The following NBEAL1 variants were observed in gnomAD, a reference collection of about 807,000 sequenced individuals.
NBEAL1 encodes the protein neurobeachin like 1, also known as neurobeachin-like protein 1.
NBEAL1 carries 273 observed loss-of-function variants against 351.3 expected under a neutral mutation model. The observed-to-expected ratio is 0.78, with a 90% confidence interval of 0.70 to 0.86. The LOEUF (loss-of-function observed/expected upper bound fraction) is 0.86. Among genes scored for constraint, NBEAL1 ranks in the 40% least tolerant of loss-of-function variants. NBEAL1 has a pLI of 0.00. For synonymous variants in NBEAL1, 1,050 were observed against 1,086.4 expected (o/e 0.97, Z 0.66); for missense variants, 2,961 against 3,201.3 (o/e 0.92, Z 1.81).
At chr2:203,210,362 CAAAA>C (rs35856692) in intron 53 of NBEAL1, among the ~76,000 whole-genome samples, 1 of 100,452 alleles carries the variant, frequency 1.0e-5, no homozygotes, top group Non-Finnish European at 2.0e-5. Flanking sequence ...GACATGGCCT[CAAAA>C]AAAAAAAAAA....
chr2:203,186,560 T>G (rs1214944483), intron 44 of NBEAL1, among the ~76,000 whole-genome samples: 1 of 152,196 alleles, frequency 6.6e-6, no homozygotes, highest in Non-Finnish European at 1.5e-5. Context: ...TCTCAGTGGC[T>G]CTTGGTTCTA....
chr2:203,138,321 G>A lies in NBEAL1; in HGVS notation c.4719+6G>A. The A allele has an allele frequency of 1.9e-6, 3 of 1,594,598 alleles. No individual in the cohort carries two copies. Among genetic ancestry groups the A allele is most frequent in the Non-Finnish European group, 2.6e-6 (3 of 1,175,094 alleles). On this transcript the variant is annotated splice_donor_region_variant and intron_variant, in intron 30 of 55. Transcript: ENST00000683969. ...CAAACATGTGGACCGAGAAGGTGCA[G>A]TAATATCTCTTTAAAATTATATTTT...
At chr2:203,121,246 T>C (rs2062823676) in intron 18 of NBEAL1, among the ~76,000 whole-genome samples, 2 of 152,200 alleles carry the variant, frequency 1.3e-5, no homozygotes, top group African/African-American at 2.4e-5. Context: ...ACACGTTTTA[T>C]GTGTATCTTG....
Position 203,219,417 on chromosome 2 carries a change from C to T in NBEAL1, c.*2063C>T, listed in dbSNP as rs2065931287. 6.6e-6 allele frequency: 1 copy of T among 151,882 alleles called. No homozygotes were observed. The highest frequency in any genetic ancestry group is 1.5e-5 in the Non-Finnish European group (1 of 67,996). 9.4% of individuals were successfully genotyped at this position (151,882 alleles called of 1,614,324 possible). ...AAGTTTATGATGTTTTACTATGCTG[C>T]TTTTTAGATGGAAGAAATAAGCAGT... On this transcript the variant is annotated 3_prime_UTR_variant, in exon 56 of 56. Transcript: ENST00000683969.
At chr2:203,210,091 G>A (rs1436348222) in intron 53 of NBEAL1, among the ~76,000 whole-genome samples, 1 of 152,028 alleles carries the variant, frequency 6.6e-6, no homozygotes, top group Non-Finnish European at 1.5e-5. Context: ...GGCCGCGAGT[G>A]GTGGCTCACT....
At chr2:203,130,702 C>T (rs932412109) in intron 25 of NBEAL1, among the ~76,000 whole-genome samples, 10 of 152,084 alleles carry the variant, frequency 6.6e-5, no homozygotes, top group Admixed American at 5.2e-4. Context: ...TTTGTCATAC[C>T]ATCCTCAATA....
chr2:203,195,577 A>G (rs1378809728), intron 47 of NBEAL1, among the ~76,000 whole-genome samples: 1 of 152,210 alleles, frequency 6.6e-6, no homozygotes, highest in Non-Finnish European at 1.5e-5. Flanking sequence ...GGAATTTAAC[A>G]TGTAGTTGTA....
intron 29 of NBEAL1, 79 bp from the exon 30 acceptor site, chr2:203,138,083 G>C (rs1372774035): frequency 1.5e-6 from 2 of 1,326,308 alleles, no homozygotes; most frequent in Non-Finnish European, 2.1e-6. Flanking sequence ...TGCCTCTCAA[G>C]CTATTTTGTT....
At position 203,020,645 on chromosome 2, in the gene NBEAL1, T is replaced by C. The variant is rs897395498; in HGVS notation, c.51+4210T>C. 6.2e-5 allele frequency among the ~76,000 whole-genome samples: 9 copies of C among 145,086 alleles called. No homozygotes were observed. The Admixed American group carries it at 6.5e-4, about 10-fold the overall frequency. On this transcript the variant is annotated intron_variant, in intron 2 of 55. Transcript: ENST00000683969. Reference sequence around the variant, plus strand: ...GAGATTACGCCATTGCCTTCCAGCCTGGGTGACAGAGTGAGACTCTGTCTC... The same window carrying C: ...GAGATTACGCCATTGCCTTCCAGCCCGGGTGACAGAGTGAGACTCTGTCTC...
intron 53 of NBEAL1, among the ~76,000 whole-genome samples, chr2:203,210,505 C>CA (rs370469667): frequency 2.6e-5 from 4 of 151,250 alleles, no homozygotes; most frequent in African/African-American, 7.3e-5. Context: ...ACTAAAAATG[C>CA]AAAAAAAGAT....
At position 203,111,994 on chromosome 2, in the gene NBEAL1, G is replaced by A; in HGVS notation, c.2098G>A (p.Val700Ile). ...CDSLWHNITV[V>I]HMPGKRPFGQ... ...ACTTTACCAGCACAACATAACTGTT[G>A]TCCACATGCCTGGAAAAAGGCCTTT... Residue 700 changes from valine (V) to isoleucine (I), a missense_variant, in exon 16 of 56, where the codon GTC becomes ATC. Transcript: ENST00000683969. 6.4e-7 allele frequency: 1 copy of A among 1,550,966 alleles called. No homozygotes were observed. The highest frequency in any genetic ancestry group is 8.7e-7 in the Non-Finnish European group (1 of 1,146,884).
chr2:203,139,800 C>T (rs1392018242), intron 31 of NBEAL1, among the ~76,000 whole-genome samples: 2 of 151,730 alleles, frequency 1.3e-5, no homozygotes, highest in African/African-American at 2.4e-5. Flanking sequence ...CTCCTGACCT[C>T]ATGTGATCTG....
At chr2:203,149,997 G>T (rs2106350562) in intron 34 of NBEAL1, among the ~76,000 whole-genome samples, 1 of 152,008 alleles carries the variant, frequency 6.6e-6, no homozygotes, top group East Asian at 1.9e-4. Flanking sequence ...CCATTTTTTG[G>T]CTAATTTGAA....
At chr2:203,040,108 A>G (rs1465640537) in intron 2 of NBEAL1, 2 of 958,626 alleles carry the variant, frequency 2.1e-6, no homozygotes, top group African/African-American at 3.2e-5. Flanking sequence ...CACTAGAAAG[A>G]TGGCAGAGCA....
chr2:203,124,413 T>C (rs1434667849), intron 19 of NBEAL1, among the ~76,000 whole-genome samples: 1 of 152,152 alleles, frequency 6.6e-6, no homozygotes, highest in Non-Finnish European at 1.5e-5. Context: ...ACATGAGGAC[T>C]ATAGTTAATA....
At position 203,193,780 on chromosome 2, in the gene NBEAL1, A is replaced by G; in HGVS notation, c.6922-15A>G. On this transcript the variant is annotated splice_polypyrimidine_tract_variant and intron_variant, in intron 46 of 55. Coordinates refer to ENST00000683969, the MANE Select transcript of NBEAL1 (RefSeq NM_001378026.1). The stretch of plus-strand genomic sequence containing the variant: ...CATAGATATGGAATTGTTTTTCCTT[A>G]AAATTATTTTGAAGGAACCACACCC... 6.4e-7 allele frequency: 1 copy of G among 1,570,864 alleles called. No homozygotes were observed. Among genetic ancestry groups the G allele is most frequent in the Non-Finnish European group, 8.7e-7 (1 of 1,145,092 alleles).
At chr2:203,104,763 A>G (rs1422560752) in intron 12 of NBEAL1, among the ~76,000 whole-genome samples, 1 of 152,004 alleles carries the variant, frequency 6.6e-6, no homozygotes, top group Non-Finnish European at 1.5e-5. Context: ...TTCTTTTAGC[A>G]TTTGCTTCTC....
At chr2:203,148,945 T>G (rs377667724) in intron 33 of NBEAL1, 46 bp from the exon 34 acceptor site, 1 of 1,491,326 alleles carries the variant, frequency 6.7e-7, no homozygotes, top group Non-Finnish European at 9.0e-7. Context: ...TAAATATACC[T>G]GTAAATATAT....
chr2:203,053,220 T>A (rs980677357), intron 4 of NBEAL1, among the ~76,000 whole-genome samples: 6 of 152,202 alleles, frequency 3.9e-5, no homozygotes, highest in African/African-American at 1.4e-4. Context: ...CCTGTTGCTC[T>A]TCATGGTTTC....
Sources: gnomAD v4.1 joint callset for allele counts (sites outside exome capture counted in the v4.1 genomes callset) on GRCh38, gnomAD v4.1.1 for gene constraint, MANE v1.5 for transcripts, NCBI Gene and HGNC (gene_info 2026-07-23, HGNC 2026-07-21) for gene names.